Variants in NKAIN2 observed in about 807,000 individuals in gnomAD.
NKAIN2 encodes the protein sodium/potassium transporting ATPase interacting 2.
Under a neutral mutation model 32.6 loss-of-function variants are expected in NKAIN2, and 14 were observed. The observed-to-expected ratio is 0.43, with a 90% confidence interval of 0.28 to 0.67. The LOEUF (loss-of-function observed/expected upper bound fraction) is 0.67. NKAIN2 is among the 30% of genes least tolerant of loss of function. NKAIN2 has a pLI of 0.17. For missense variants in NKAIN2, 198 were observed against 258.3 expected, an observed-to-expected ratio of 0.77 and a Z score of 1.60; for synonymous variants, 80 against 87.2, an observed-to-expected ratio of 0.92 and a Z score of 0.46.
chr6:124,197,156 TCTG>T, intron 1 of NKAIN2, among the ~76,000 whole-genome samples: 1 of 152,056 alleles, frequency 6.6e-6, no homozygotes, highest in South Asian at 2.1e-4. Flanking sequence ...ATAGTCTTTG[TCTG>T]CTATTTCCAT....
At chr6:124,759,459 G>T (rs1376252505) in intron 4 of NKAIN2, among the ~76,000 whole-genome samples, 1 of 151,748 alleles carries the variant, frequency 6.6e-6, no homozygotes. Context: ...TATTTCAAAT[G>T]ATCTACAACA....
intron 3 of NKAIN2, among the ~76,000 whole-genome samples, chr6:124,434,520 C>A (rs1208651481): frequency 6.6e-6 from 1 of 152,048 alleles, no homozygotes; most frequent in Non-Finnish European, 1.5e-5. Context: ...TTCCAAAAGA[C>A]AACAGTAGGT....
At chr6:124,659,403 T>C (rs1371198182) in intron 4 of NKAIN2, among the ~76,000 whole-genome samples, 2 of 151,952 alleles carry the variant, frequency 1.3e-5, no homozygotes, top group Admixed American at 6.6e-5. Context: ...AAACATAAAA[T>C]TCTTCTGGAA....
At chr6:124,188,329 A>G (rs1789849410) in intron 1 of NKAIN2, among the ~76,000 whole-genome samples, 2 of 152,198 alleles carry the variant, frequency 1.3e-5, no homozygotes, top group South Asian at 4.1e-4. Context: ...GAAGGGGCAA[A>G]CTTGAACTCT....
intron 1 of NKAIN2, among the ~76,000 whole-genome samples, chr6:123,910,499 G>GTGTTTTTTTTTTTTTTTTTTT (rs1491095246): frequency 4.9e-5 from 4 of 81,314 alleles, no homozygotes; most frequent in African/African-American, 2.0e-4. Flanking sequence ...TGCAATGCAT[G>GTGTTTTTTTTTTTTTTTTTTT]TTTTTTTTTT....
intron 6 of NKAIN2, among the ~76,000 whole-genome samples, chr6:124,819,967 C>G (rs1025149698): frequency 2.6e-5 from 4 of 152,142 alleles, no homozygotes. Context: ...CAAACATCAT[C>G]TTTTTTCCAA....
intron 3 of NKAIN2, chr6:124,490,318 C>A: frequency 2.4e-6 from 1 of 412,126 alleles, no homozygotes; most frequent in Non-Finnish European, 4.7e-6. Context: ...TAGAGAATGA[C>A]ACCAAGTAAA....
chr6:124,549,465 C>T (rs956664302), intron 3 of NKAIN2, among the ~76,000 whole-genome samples: 12 of 152,084 alleles, frequency 7.9e-5, no homozygotes, highest in African/African-American at 2.9e-4. Flanking sequence ...TCCCATATTC[C>T]TTTTGCCCAT....
intron 1 of NKAIN2, among the ~76,000 whole-genome samples, chr6:124,119,704 G>C (rs1785784496): frequency 6.6e-6 from 1 of 152,136 alleles, no homozygotes; most frequent in Non-Finnish European, 1.5e-5. Flanking sequence ...AAAACAAGTA[G>C]ATCTGACTGC....
At position 124,453,825 on chromosome 6, in the gene NKAIN2, T is replaced by G. The variant is rs534159359; in HGVS notation, c.273+98478T>G. 2.0e-5 allele frequency among the ~76,000 whole-genome samples: 3 copies of G among 152,178 alleles called. No homozygotes were observed. In the East Asian group the frequency reaches 5.8e-4, roughly 29 times the overall value. ...ACATATATTTTTAAGTCACAATGAT[T>G]AATAGATCTAGACCCATCATATAGT... is the stretch of plus-strand genomic sequence containing the variant. On this transcript the variant is annotated intron_variant, in intron 3 of 6. Transcript: ENST00000368417.
chr6:124,686,747 A>G (rs1479050), intron 4 of NKAIN2, among the ~76,000 whole-genome samples: 56,028 of 151,982 alleles, frequency 0.37, 10,420 homozygotes, highest in Non-Finnish European at 0.37. Flanking sequence ...TCATATGGCC[A>G]TACCTGTGAT....
intron 1 of NKAIN2, among the ~76,000 whole-genome samples, chr6:123,944,923 T>A (rs1776996622): frequency 6.6e-6 from 1 of 152,088 alleles, no homozygotes; most frequent in Non-Finnish European, 1.5e-5. Context: ...GTATTGAATG[T>A]GTTTTAGAAA....
intron 1 of NKAIN2, among the ~76,000 whole-genome samples, chr6:124,019,821 C>T (rs530868711): frequency 4.5e-4 from 68 of 152,136 alleles, no homozygotes; most frequent in African/African-American, 1.4e-3. Flanking sequence ...CCATCCTGCC[C>T]TCACTGGGGA....
At chr6:124,117,435 G>A (rs536171075) in intron 1 of NKAIN2, among the ~76,000 whole-genome samples, 2 of 152,262 alleles carry the variant, frequency 1.3e-5, no homozygotes, top group African/African-American at 4.8e-5. Flanking sequence ...GCTGACCTGA[G>A]CATCTGCCTG....
rs1333512205 is a variant in NKAIN2 at position 124,791,212 on chromosome 6, C to T, written c.475-127C>T. ...TCCACACTGAAGTCAAGGTCCAGTC[C>T]GATGAGCCATGTTGGTTGGAGCCCT... On this transcript the variant is annotated intron_variant, in intron 4 of 6. Coordinates refer to ENST00000368417, the MANE Select transcript of NKAIN2 (RefSeq NM_001040214.3). The T allele has an allele frequency of 2.4e-5, 14 of 577,250 alleles. No homozygotes were observed. The East Asian group carries it at 2.7e-4, about 11-fold the overall frequency. 35.8% of individuals were successfully genotyped at this position (577,250 alleles called of 1,614,324 possible).
rs544747291 is a variant in NKAIN2, at chr6:124,825,438, G to C, written c.*2209G>C. The C allele has an allele frequency of 6.5e-6, 1 of 152,702 alleles. No individual in the cohort carries two copies. Among genetic ancestry groups the C allele is most frequent in the African/African-American group, 2.4e-5 (1 of 41,558 alleles). The allele number at this position is 152,702 out of a possible 1,614,324, so 9.5% of individuals were successfully genotyped here. On this transcript the variant is annotated 3_prime_UTR_variant, in exon 7 of 7. Coordinates refer to ENST00000368417, the MANE Select transcript of NKAIN2 (RefSeq NM_001040214.3). ...GGAAAACATCTACAGTTGTACAGCT[G>C]TATCCTCCTCAAAATCCGGTGAAGA... is the stretch of plus-strand genomic sequence containing the variant.
intron 4 of NKAIN2, among the ~76,000 whole-genome samples, chr6:124,753,303 A>C (rs12661994): frequency 0.049 from 7,406 of 152,212 alleles, 190 homozygotes; most frequent in East Asian, 0.094. Flanking sequence ...GCTTTGCAAA[A>C]CTGCACACTA....
At chr6:124,264,794 A>G (rs562219709) in intron 1 of NKAIN2, among the ~76,000 whole-genome samples, 2 of 152,320 alleles carry the variant, frequency 1.3e-5, no homozygotes, top group South Asian at 2.1e-4. Context: ...TTTAAAATCT[A>G]TATCTCATTC....
intron 1 of NKAIN2, among the ~76,000 whole-genome samples, chr6:124,041,153 C>T (rs1374141601): frequency 1.3e-5 from 2 of 151,974 alleles, no homozygotes; most frequent in African/African-American, 2.4e-5. Flanking sequence ...GCATCCTCTA[C>T]TTTATGGTTA....
Sources: allele counts gnomAD v4.1 joint callset (sites outside exome capture counted in the v4.1 genomes callset), GRCh38; gene constraint gnomAD v4.1.1; transcripts MANE v1.5; gene names NCBI Gene and HGNC (gene_info 2026-07-23, HGNC 2026-07-21).